The following PPM1L variants were observed in gnomAD, a reference collection of about 807,000 sequenced individuals.
PPM1L encodes the protein protein phosphatase 1L.
PPM1L carries 13 observed loss-of-function variants against 31.4 expected under a neutral mutation model. The observed-to-expected ratio is 0.41, with a 90% CI of 0.27 to 0.66. The LOEUF is 0.66. PPM1L is among the 30% of genes least tolerant of loss of function. The pLI is 0.29. For synonymous variants in PPM1L, 184 were observed against 175.4 expected, an observed-to-expected ratio of 1.05 and a Z score of -0.39; for missense variants, 326 against 453.7, an observed-to-expected ratio of 0.72 and a Z score of 2.56.
At chr3:160,908,914 A>G (rs1339169890) in intron 1 of PPM1L, among the ~76,000 whole-genome samples, 1 of 152,184 alleles carries the variant, frequency 6.6e-6, no homozygotes, top group Non-Finnish European at 1.5e-5. Flanking sequence ...TGGCATGAAT[A>G]AGGCACAACT....
chr3:161,063,553 T>G (rs978294706), intron 2 of PPM1L, among the ~76,000 whole-genome samples: 1 of 149,846 alleles, frequency 6.7e-6, no homozygotes, highest in African/African-American at 2.5e-5. Flanking sequence ...AGTGTTGTTG[T>G]TTTTTTTTCT....
chr3:160,802,487 A>G (rs909990465), intron 1 of PPM1L, among the ~76,000 whole-genome samples: 4 of 152,206 alleles, frequency 2.6e-5, no homozygotes, highest in African/African-American at 9.7e-5. Flanking sequence ...ACAGGGTCTC[A>G]TTTGATCGTT....
At chr3:161,031,871 T>TA (rs1217752415) in intron 2 of PPM1L, among the ~76,000 whole-genome samples, 2 of 152,104 alleles carry the variant, frequency 1.3e-5, no homozygotes, top group African/African-American at 4.8e-5. Flanking sequence ...ACTTACCCGC[T>TA]AATGATGCTG....
chr3:160,877,515 G>A (rs895499945), intron 1 of PPM1L, among the ~76,000 whole-genome samples: 7 of 150,178 alleles, frequency 4.7e-5, no homozygotes, highest in African/African-American at 1.5e-4. Flanking sequence ...ATCATTGTCT[G>A]GTGTAAATAC....
chr3:160,800,068 A>T lies in PPM1L; in HGVS notation c.399+43361A>T, dbSNP rs58646305. Among the ~76,000 whole-genome samples, 1,314 of 152,310 alleles carry T rather than the reference A, an allele frequency of 8.6e-3. 14 individuals are homozygous for T. The highest frequency in any genetic ancestry group is 0.027 in the African/African-American group (1,113 of 41,572). On this transcript the variant is annotated intron_variant, in intron 1 of 3. Transcript: ENST00000498165. ...AGGAATAGTATTTTTTATTCATGCCACATTTTCCTTCAGTTTTTCAAGAAA... is the reference window on the plus strand; with the variant it reads ...AGGAATAGTATTTTTTATTCATGCCTCATTTTCCTTCAGTTTTTCAAGAAA...
intron 1 of PPM1L, among the ~76,000 whole-genome samples, chr3:160,876,000 A>G (rs928769684): frequency 6.6e-5 from 10 of 152,174 alleles, no homozygotes; most frequent in African/African-American, 1.9e-4. Context: ...TGTAAGTCCT[A>G]GTCTTGAAGA....
intron 2 of PPM1L, 150 bp downstream of exon 2, chr3:160,962,060 C>G: frequency 2.0e-6 from 1 of 498,206 alleles, no homozygotes; most frequent in Non-Finnish European, 3.3e-6. Context: ...CAGTTTTAGT[C>G]TCAAGATGGT....
chr3:160,849,852 G>A (rs564444248), intron 1 of PPM1L, among the ~76,000 whole-genome samples: 92 of 152,234 alleles, frequency 6.0e-4, no homozygotes, highest in African/African-American at 2.1e-3. Context: ...GCTGGAATCC[G>A]GGGATGATTA....
chr3:160,827,932 A>G (rs967009768), intron 1 of PPM1L, among the ~76,000 whole-genome samples: 3 of 152,098 alleles, frequency 2.0e-5, no homozygotes, highest in Admixed American at 2.0e-4. Context: ...GGGAGCAGGC[A>G]TGTCACAAAG....
At chr3:160,932,242 G>A (rs1714811233) in intron 1 of PPM1L, among the ~76,000 whole-genome samples, 1 of 152,196 alleles carries the variant, frequency 6.6e-6, no homozygotes, top group Non-Finnish European at 1.5e-5. Flanking sequence ...TTTCCACTGT[G>A]ATATAATATC....
chr3:160,782,062 A>G (rs1711761592), intron 1 of PPM1L, among the ~76,000 whole-genome samples: 1 of 152,146 alleles, frequency 6.6e-6, no homozygotes, highest in Admixed American at 6.5e-5. Flanking sequence ...TTTTTAATAT[A>G]GTTATAAGGC....
At chr3:160,869,044 G>C (rs1374312920) in intron 1 of PPM1L, among the ~76,000 whole-genome samples, 1 of 152,170 alleles carries the variant, frequency 6.6e-6, no homozygotes, top group Non-Finnish European at 1.5e-5. Context: ...CTCTGAACCA[G>C]GAATGCGGGC....
At chr3:161,009,338 A>G (rs930760674) in intron 2 of PPM1L, among the ~76,000 whole-genome samples, 2 of 152,182 alleles carry the variant, frequency 1.3e-5, no homozygotes, top group African/African-American at 4.8e-5. Context: ...AATGGAACAC[A>G]TGTTATTATA....
chr3:160,801,211 T>C (rs908986196), intron 1 of PPM1L, among the ~76,000 whole-genome samples: 3 of 152,184 alleles, frequency 2.0e-5, no homozygotes, highest in Admixed American at 2.0e-4. Flanking sequence ...AAAGCAAAGA[T>C]ATTTTTCATG....
chr3:161,007,040 A>C (rs1717734538), intron 2 of PPM1L, among the ~76,000 whole-genome samples: 1 of 152,112 alleles, frequency 6.6e-6, no homozygotes, highest in African/African-American at 2.4e-5. Flanking sequence ...TACTTCTCTT[A>C]CCATCCCAGT....
At chr3:160,907,327 T>C (rs1713796814) in intron 1 of PPM1L, among the ~76,000 whole-genome samples, 1 of 152,240 alleles carries the variant, frequency 6.6e-6, no homozygotes, top group Admixed American at 6.5e-5. Flanking sequence ...TTATCAATAT[T>C]AATTCTGGTC....
chr3:160,973,775 T>TTTTTTTTTTTTTTTTG (rs1716442186), intron 2 of PPM1L, among the ~76,000 whole-genome samples: 1 of 49,596 alleles, frequency 2.0e-5, no homozygotes, highest in Non-Finnish European at 3.7e-5. Flanking sequence ...TTTTTTTTTT[T>TTTTTTTTTTTTTTTTG]TTTTTTTTTT....
At chr3:160,972,426 A>T (rs184485452) in intron 2 of PPM1L, among the ~76,000 whole-genome samples, 356 of 136,924 alleles carry the variant, frequency 2.6e-3, no homozygotes, top group African/African-American at 9.6e-3. Context: ...TTCATTTCCC[A>T]CCTATGAGTG....
chr3:160,862,592 C>G (rs79082441), intron 1 of PPM1L, among the ~76,000 whole-genome samples: 10 of 151,052 alleles, frequency 6.6e-5, no homozygotes, highest in African/African-American at 2.2e-4. Context: ...ACTCAGGTCC[C>G]GGTGAGAGGG....
Sources: allele counts gnomAD v4.1 joint callset (sites outside exome capture counted in the v4.1 genomes callset), GRCh38; gene constraint gnomAD v4.1.1; transcripts MANE v1.5; gene names NCBI Gene and HGNC (gene_info 2026-07-23, HGNC 2026-07-21).